Variants in ARID2 observed in about 807,000 individuals in gnomAD.
ARID2 encodes the protein AT-rich interactive domain-containing protein 2.
A neutral mutation model predicts 184.6 loss-of-function variants in ARID2; 32 were observed. The ratio of observed to expected loss-of-function variants is 0.17; its 90% CI spans 0.13 to 0.23. The LOEUF is 0.23. ARID2 is among the 10% of genes least tolerant of loss of function. The pLI, the probability that ARID2 is intolerant of heterozygous loss-of-function variation, is 1.00. For synonymous variants in ARID2, 836 were observed against 772.6 expected (o/e 1.08, Z -1.36); for missense variants, 1,696 against 2,197.6 (o/e 0.77, Z 4.56).
chr12:45,888,144 G>A (rs1944227462), intron 16 of ARID2, among the ~76,000 whole-genome samples: 1 of 150,298 alleles, frequency 6.7e-6, no homozygotes. Context: ...GCAGTGAGCC[G>A]AGATCGCGCC....
In ARID2 at chr12:45,831,250, C is replaced by A. The variant is rs115768627; in HGVS notation, c.706-5339C>A. Among the ~76,000 whole-genome samples the A allele has an allele frequency of 5.2e-3, 785 of 152,194 alleles. 11 individuals are homozygous for A. The highest frequency in any genetic ancestry group is 0.018 in the African/African-American group (749 of 41,522). On this transcript the variant is annotated intron_variant, in intron 6 of 20. Transcript: ENST00000334344. ...TTTAATATGTACATTCTAATACATA[C>A]AATTAAGACCACAAAATTACCTCTA...
rs201579365 is a variant in ARID2 at position 45,848,887 on chromosome 12, A to G, written c.1632A>G (p.Glu544=). ...CAGATTGTTCTGTTTCTCGAGCAGA[A>G]ATGTATTCTGAATACCTCTCGACTT... The part of the protein sequence containing the change: ...VNPDCSVSRA[E]MYSEYLSTCS... Residue 544 remains glutamate, a synonymous_variant, in exon 13 of 21, where the codon GAA becomes GAG. Coordinates refer to ENST00000334344, the MANE Select transcript of ARID2 (RefSeq NM_152641.4). 17 of 1,612,420 alleles carry G rather than the reference A, an allele frequency of 1.1e-5. No homozygotes were observed. The highest frequency in any genetic ancestry group is 1.4e-5 in the Non-Finnish European group (16 of 1,179,090).
Position 45,851,966 on chromosome 12 carries a change from G to T in ARID2, c.3843G>T (p.Gly1281=). Residue 1281 remains glycine, a synonymous_variant, in exon 15 of 21, where the codon GGG becomes GGT. Transcript: ENST00000334344. ...GAGGAGCCACAAACACCAGCAATGGGGATACAAAGGAAAATGAAATGCATG... is the reference window on the plus strand; with the variant it reads ...GAGGAGCCACAAACACCAGCAATGGTGATACAAAGGAAAATGAAATGCATG... The part of the protein sequence containing the change: ...CRRGATNTSN[G]DTKENEMHVG... The T allele has an allele frequency of 1.9e-6, 3 of 1,614,134 alleles. No homozygotes were observed. Among genetic ancestry groups the T allele is most frequent in the Non-Finnish European group, 2.5e-6 (3 of 1,180,010 alleles).
At chr12:45,736,132 C>A (rs1941114606) in intron 3 of ARID2, among the ~76,000 whole-genome samples, 1 of 152,048 alleles carries the variant, frequency 6.6e-6, no homozygotes, top group Non-Finnish European at 1.5e-5. Context: ...CCAAGGCAGG[C>A]GAATCACAAG....
intron 3 of ARID2, among the ~76,000 whole-genome samples, chr12:45,795,700 T>G (rs1942380302): frequency 7.3e-6 from 1 of 136,542 alleles, no homozygotes; most frequent in Non-Finnish European, 1.6e-5. Flanking sequence ...CCTCCCAAAG[T>G]GCTGGGATTA....
intron 5 of ARID2, 44 bp from the exon 6 acceptor site, chr12:45,821,376 T>C (rs778255625): frequency 6.7e-6 from 8 of 1,189,306 alleles, no homozygotes; most frequent in Non-Finnish European, 9.3e-6. Context: ...TGAAAGAATT[T>C]ATTGCATTTT....
At chr12:45,743,866 G>T (rs1219826187) in intron 3 of ARID2, among the ~76,000 whole-genome samples, 1 of 151,964 alleles carries the variant, frequency 6.6e-6, no homozygotes, top group Non-Finnish European at 1.5e-5. Flanking sequence ...TGTTATTGTT[G>T]TTGCTATTGA....
chr12:45,870,527 G>A (rs766343155), intron 16 of ARID2, among the ~76,000 whole-genome samples: 25 of 152,078 alleles, frequency 1.6e-4, no homozygotes, highest in Non-Finnish European at 3.1e-4. Context: ...AATGCGTAAT[G>A]TCATGTCTCC....
chr12:45,772,085 G>A (rs1470342268), intron 3 of ARID2, among the ~76,000 whole-genome samples: 1 of 152,118 alleles, frequency 6.6e-6, no homozygotes, highest in African/African-American at 2.4e-5. Context: ...CTGATAAGAT[G>A]TATATGGGAA....
In ARID2 at chr12:45,839,784, T is replaced by C. The variant is rs758709831; in HGVS notation, c.1498+288T>C. 1.1e-4 allele frequency: 29 copies of C among 254,330 alleles called. No individual in the cohort carries two copies. The East Asian group carries it at 1.7e-3, about 15-fold the overall frequency. 15.8% of individuals were successfully genotyped at this position (254,330 alleles called of 1,614,324 possible). On this transcript the variant is annotated intron_variant, in intron 11 of 20. Coordinates refer to ENST00000334344, the MANE Select transcript of ARID2 (RefSeq NM_152641.4). ...ATTACGATAGCTATAAGTGCCCCAA[T>C]AGGCATATTATTTGTGATTTTGGTC...
chr12:45,767,724 G>A (rs1340836105), intron 3 of ARID2, among the ~76,000 whole-genome samples: 1 of 152,214 alleles, frequency 6.6e-6, no homozygotes, highest in African/African-American at 2.4e-5. Context: ...GGTATGGGAT[G>A]TATCTGTGGA....
intron 3 of ARID2, among the ~76,000 whole-genome samples, chr12:45,746,669 C>G (rs1441807774): frequency 6.6e-6 from 1 of 152,054 alleles, no homozygotes; most frequent in Admixed American, 6.5e-5. Flanking sequence ...TTCACACCTC[C>G]CTATGACATA....
At chr12:45,732,663 A>G (rs563098741) in intron 3 of ARID2, among the ~76,000 whole-genome samples, 17 of 152,318 alleles carry the variant, frequency 1.1e-4, no homozygotes, top group Middle Eastern at 3.4e-3. Context: ...TGAGAGGAAC[A>G]TGTTAATACA....
chr12:45,790,262 G>C (rs1482450975), intron 3 of ARID2, among the ~76,000 whole-genome samples: 1 of 151,852 alleles, frequency 6.6e-6, no homozygotes, highest in Non-Finnish European at 1.5e-5. Context: ...TTATGTTTTA[G>C]TTTTTTATAG....
Position 45,860,935 on chromosome 12 carries a change from G to A in ARID2, c.4908G>A (p.Trp1636Ter), listed in dbSNP as rs2138192562. 1 of 1,574,620 alleles carries A rather than the reference G, an allele frequency of 6.4e-7. No homozygotes were observed. Among genetic ancestry groups the A allele is most frequent in the Non-Finnish European group, 8.6e-7 (1 of 1,163,014 alleles). The change falls in exon 16 of 21, where the codon TGG becomes TGA. Residue 1636 changes from tryptophan to a stop codon, truncating the protein, a stop_gained. Coordinates refer to ENST00000334344, the MANE Select transcript of ARID2 (RefSeq NM_152641.4). LOFTEE classifies it high-confidence loss of function. ...CTGGACAGAACTTCATGTGTCTGTG[G>A]CAGTCTTGTAAAAAGTAAATGGCAA... Reference protein sequence around the residue: ...RKPGQNFMCLWQSCKKWFQTP... With the variant: ...RKPGQNFMCL
chr12:45,903,042 T>A (rs1048545025), intron 20 of ARID2, among the ~76,000 whole-genome samples: 2 of 152,178 alleles, frequency 1.3e-5, no homozygotes, highest in African/African-American at 4.8e-5. Context: ...TCATGTTCTC[T>A]CCAATCTTTA....
chr12:45,753,978 C>T (rs1200727660), intron 3 of ARID2, among the ~76,000 whole-genome samples: 2 of 152,180 alleles, frequency 1.3e-5, no homozygotes, highest in African/African-American at 4.8e-5. Flanking sequence ...ATTTGTGATG[C>T]TTCTGGCTAT....
Position 45,907,930 on chromosome 12 carries a change from G to C in ARID2, c.*2852G>C. ...GTCAGGATTGTGACTATATATTAAT[G>C]AGACTCAGTAATCCAACCCACACCT... is the stretch of plus-strand genomic sequence containing the variant. On this transcript the variant is annotated 3_prime_UTR_variant, in exon 21 of 21. Transcript: ENST00000334344. The C allele has an allele frequency of 4.3e-6, 1 of 231,638 alleles. No homozygotes were observed. The highest frequency in any genetic ancestry group is 8.5e-6 in the Non-Finnish European group (1 of 117,092). 14.3% of individuals were successfully genotyped at this position (231,638 alleles called of 1,614,324 possible). A position where few individuals can be genotyped will look rare whatever the true frequency, so the allele number is the denominator to read the frequency against.
At chr12:45,747,963 T>C (rs1941390481) in intron 3 of ARID2, among the ~76,000 whole-genome samples, 2 of 152,138 alleles carry the variant, frequency 1.3e-5, no homozygotes, top group African/African-American at 2.4e-5. Flanking sequence ...CATTAATATA[T>C]ATGATAGTAA....
Sources: gnomAD v4.1 joint callset for allele counts (sites outside exome capture counted in the v4.1 genomes callset) on GRCh38, gnomAD v4.1.1 for gene constraint, MANE v1.5 for transcripts, NCBI Gene and HGNC (gene_info 2026-07-23, HGNC 2026-07-21) for gene names.